ST6GALNAC3: variants seen among roughly 807,000 people sequenced by gnomAD.
ST6GALNAC3 encodes ST6 N-acetylgalactosaminide alpha-2,6-sialyltransferase 3, also known as alpha-N-acetylgalactosaminide alpha-2,6-sialyltransferase 3.
Under a neutral mutation model 32.7 loss-of-function variants are expected in ST6GALNAC3, and 25 were observed. The ratio of observed to expected loss-of-function variants is 0.76; its 90% CI spans 0.56 to 1.07. ST6GALNAC3 has a LOEUF of 1.07. ST6GALNAC3 is among the 50% of genes least tolerant of loss of function. The pLI is 0.00. For synonymous variants in ST6GALNAC3, 129 were observed against 133.1 expected (o/e 0.97, Z 0.21); for missense variants, 355 against 382.4 (o/e 0.93, Z 0.60).
At chr1:76,371,109 G>A (rs531488883) in intron 2 of ST6GALNAC3, among the ~76,000 whole-genome samples, 74 of 152,196 alleles carry the variant, frequency 4.9e-4, no homozygotes, top group African/African-American at 1.7e-3. Context: ...GACAATAAAT[G>A]ATAATAAATG....
At chr1:76,452,705 C>A (rs1416681601) in intron 3 of ST6GALNAC3, among the ~76,000 whole-genome samples, 1 of 152,010 alleles carries the variant, frequency 6.6e-6, no homozygotes, top group Admixed American at 6.6e-5. Flanking sequence ...GATATTTGCA[C>A]CTATGTTCAT....
chr1:76,120,200 C>T (rs1648777190), intron 1 of ST6GALNAC3, among the ~76,000 whole-genome samples: 1 of 152,220 alleles, frequency 6.6e-6, no homozygotes, highest in Admixed American at 6.5e-5. Context: ...TAAAGTCTGG[C>T]AAGGCTGGAC....
intron 3 of ST6GALNAC3, among the ~76,000 whole-genome samples, chr1:76,464,589 C>G (rs1658502627): frequency 6.6e-6 from 1 of 152,154 alleles, no homozygotes; most frequent in African/African-American, 2.4e-5. Flanking sequence ...CATCTGTTCT[C>G]AGAAAAGAAT....
intron 2 of ST6GALNAC3, among the ~76,000 whole-genome samples, chr1:76,318,112 AAAT>A (rs1254810405): frequency 2.3e-5 from 3 of 128,706 alleles, no homozygotes; most frequent in Admixed American, 1.6e-4. Context: ...ACAAAAATTA[AAAT>A]AAAAGGAACA....
At chr1:76,380,886 A>G (rs1177091786) in intron 2 of ST6GALNAC3, among the ~76,000 whole-genome samples, 1 of 152,238 alleles carries the variant, frequency 6.6e-6, no homozygotes, top group East Asian at 1.9e-4. Flanking sequence ...GTACTGGGTA[A>G]TGAATGTTTC....
chr1:76,268,597 T>C (rs879856153), intron 1 of ST6GALNAC3, among the ~76,000 whole-genome samples: 1 of 152,242 alleles, frequency 6.6e-6, no homozygotes, highest in Admixed American at 6.5e-5. Context: ...GAGGTACTTA[T>C]GCACTGAACT....
At chr1:76,359,171 T>G (rs1649731810) in intron 2 of ST6GALNAC3, among the ~76,000 whole-genome samples, 1 of 152,140 alleles carries the variant, frequency 6.6e-6, no homozygotes, top group Non-Finnish European at 1.5e-5. Context: ...CTGAAGACAG[T>G]GGGGAACCAT....
At chr1:76,223,431 G>A (rs1316809947) in intron 1 of ST6GALNAC3, among the ~76,000 whole-genome samples, 1 of 152,084 alleles carries the variant, frequency 6.6e-6, no homozygotes, top group Non-Finnish European at 1.5e-5. Context: ...AGAGAGGATC[G>A]AAAAACTACC....
intron 1 of ST6GALNAC3, among the ~76,000 whole-genome samples, chr1:76,180,082 A>C (rs1056391422): frequency 6.6e-6 from 1 of 152,248 alleles, no homozygotes; most frequent in Non-Finnish European, 1.5e-5. Context: ...CAAATACTTT[A>C]ATCCAAACTC....
chr1:76,278,336 C>G (rs1385877712), intron 1 of ST6GALNAC3, among the ~76,000 whole-genome samples: 1 of 151,612 alleles, frequency 6.6e-6, no homozygotes, highest in Non-Finnish European at 1.5e-5. Flanking sequence ...ATTCTCCTGC[C>G]TCAGCCTCCC....
At chr1:76,267,611 A>G (rs1473858199) in intron 1 of ST6GALNAC3, among the ~76,000 whole-genome samples, 2 of 152,220 alleles carry the variant, frequency 1.3e-5, no homozygotes, top group South Asian at 2.1e-4. Flanking sequence ...GAAAAAATAT[A>G]TATTTTCTGA....
At chr1:76,087,666 T>C (rs1646982925) in intron 1 of ST6GALNAC3, among the ~76,000 whole-genome samples, 1 of 152,182 alleles carries the variant, frequency 6.6e-6, no homozygotes, top group Non-Finnish European at 1.5e-5. Flanking sequence ...AATGAAGGCT[T>C]GGAGAGGCTA....
At chr1:76,157,692 C>T (rs1025963776) in intron 1 of ST6GALNAC3, among the ~76,000 whole-genome samples, 5 of 152,152 alleles carry the variant, frequency 3.3e-5, no homozygotes, top group Non-Finnish European at 7.3e-5. Context: ...GCCCTTTGTG[C>T]TGTAAATTTC....
intron 1 of ST6GALNAC3, among the ~76,000 whole-genome samples, chr1:76,139,958 A>G (rs1481875897): frequency 2.0e-5 from 3 of 152,194 alleles, no homozygotes; most frequent in Non-Finnish European, 2.9e-5. Flanking sequence ...AATAAATTCA[A>G]TCCTAATGCC....
intron 2 of ST6GALNAC3, among the ~76,000 whole-genome samples, chr1:76,372,376 A>G (rs759774720): frequency 4.6e-5 from 7 of 152,208 alleles, no homozygotes; most frequent in South Asian, 2.1e-4. Flanking sequence ...ACACACGCGC[A>G]CACACACACA....
chr1:76,114,034 A>C (rs1421839094), intron 1 of ST6GALNAC3, among the ~76,000 whole-genome samples: 2 of 132,922 alleles, frequency 1.5e-5, no homozygotes, highest in East Asian at 4.4e-4. Flanking sequence ...GTAGAGACGG[A>C]GTCTCGCCAT....
chr1:76,187,692 A>T (rs1306079762), intron 1 of ST6GALNAC3, among the ~76,000 whole-genome samples: 1 of 152,054 alleles, frequency 6.6e-6, no homozygotes, highest in Non-Finnish European at 1.5e-5. Flanking sequence ...AGTTATGCTG[A>T]TCGAAGACTC....
intron 3 of ST6GALNAC3, among the ~76,000 whole-genome samples, chr1:76,537,075 C>T (rs1212973913): frequency 1.3e-5 from 2 of 152,168 alleles, no homozygotes; most frequent in African/African-American, 2.4e-5. Context: ...TAAAATCAAC[C>T]ACATAATTGG....
intron 3 of ST6GALNAC3, among the ~76,000 whole-genome samples, chr1:76,616,786 G>A (rs1648322474): frequency 6.6e-6 from 1 of 152,122 alleles, no homozygotes; most frequent in Admixed American, 6.6e-5. Context: ...GTATCACTTA[G>A]ATTTTCCTAT....
Sources: allele counts gnomAD v4.1 joint callset (sites outside exome capture counted in the v4.1 genomes callset), GRCh38; gene constraint gnomAD v4.1.1; transcripts MANE v1.5; gene names NCBI Gene and HGNC (gene_info 2026-07-23, HGNC 2026-07-21).